GASK1B: variants seen among roughly 807,000 people sequenced by gnomAD.
The protein encoded by GASK1B is Golgi-associated kinase 1B.
Under a neutral mutation model 42.8 loss-of-function variants are expected in GASK1B, and 34 were observed. The observed-to-expected ratio is 0.79, with a 90% CI of 0.60 to 1.06. The LOEUF (loss-of-function observed/expected upper bound fraction) is 1.06, where lower values mean the gene tolerates loss of function less well. Among genes scored for constraint, GASK1B ranks in the 50% least tolerant of loss-of-function variants. The probability of loss-of-function intolerance (pLI) is 0.00; values close to 1 mark genes in which losing one functional copy is unlikely to be tolerated. For synonymous variants in GASK1B, 262 were observed against 259.1 expected, an observed-to-expected ratio of 1.01 and a Z score of -0.11; for missense variants, 686 against 661.0, an observed-to-expected ratio of 1.04 and a Z score of -0.42.
rs1280293039 is a variant in GASK1B at position 158,133,785 on chromosome 4, A to T, written c.1126-2773T>A. On this transcript the variant is annotated intron_variant, in intron 3 of 4. Coordinates refer to ENST00000585682, the MANE Select transcript of GASK1B (RefSeq NM_001128424.2). The stretch of plus-strand genomic sequence containing the variant: ...CCTGACAGACTGTTGTGCCATTCAG[A>T]TCTAAGAGACATTATTACTGAAAAC... Among the ~76,000 whole-genome samples the T allele has an allele frequency of 2.0e-5, 3 of 152,336 alleles. No individual in the cohort carries two copies. The East Asian group carries it at 5.8e-4, about 29-fold the overall frequency.
chr4:158,127,023 C>G lies in GASK1B; in HGVS notation c.*384G>C, dbSNP rs138407176. On this transcript the variant is annotated 3_prime_UTR_variant, in exon 5 of 5. Coordinates refer to ENST00000585682, the MANE Select transcript of GASK1B (RefSeq NM_001128424.2). ...TGTTCCCATTAGTATTTGGTCAGAACAGTCAAAACGGCACAAAATATGGTT... is the reference window on the plus strand; with the variant it reads ...TGTTCCCATTAGTATTTGGTCAGAAGAGTCAAAACGGCACAAAATATGGTT... 2.8e-5 allele frequency: 5 copies of G among 178,626 alleles called. No individual in the cohort carries two copies. The Admixed American group carries it at 2.9e-4, about 10-fold the overall frequency. 11.1% of individuals were successfully genotyped at this position (178,626 alleles called of 1,614,324 possible).
chr4:158,141,646 G>A lies in GASK1B; in HGVS notation c.1126-10634C>T, dbSNP rs1460400274. ...TTTTGAGACGGAATCTCGCTCTGTC[G>A]CACAGGCTGGAGTGCAGTGACGCGA... On this transcript the variant is annotated intron_variant, in intron 3 of 4. Coordinates refer to ENST00000585682, the MANE Select transcript of GASK1B (RefSeq NM_001128424.2). 3.6e-5 allele frequency among the ~76,000 whole-genome samples: 4 copies of A among 112,190 alleles called. No individual in the cohort carries two copies. The Admixed American group carries it at 4.0e-4, about 11-fold the overall frequency. 73.6% of individuals were successfully genotyped at this position (112,190 alleles called of 152,430 possible).
At chr4:158,132,811 T>C (rs1490054490) in intron 3 of GASK1B, among the ~76,000 whole-genome samples, 1 of 152,120 alleles carries the variant, frequency 6.6e-6, no homozygotes, top group African/African-American at 2.4e-5. Flanking sequence ...AAGCCACTGA[T>C]CCATGGGACC....
chr4:158,165,014 AT>A (rs1319075733), intron 2 of GASK1B, among the ~76,000 whole-genome samples: 1 of 152,178 alleles, frequency 6.6e-6, no homozygotes, highest in African/African-American at 2.4e-5. Context: ...ACTAAGCAGC[AT>A]TGACATACAG....
Position 158,141,235 on chromosome 4 carries a change from G to A in GASK1B, c.1126-10223C>T, listed in dbSNP as rs185073784. 1.8e-3 allele frequency among the ~76,000 whole-genome samples: 275 copies of A among 152,104 alleles called. 1 individual carries two copies. Among genetic ancestry groups the A allele is most frequent in the Non-Finnish European group, 2.8e-3 (191 of 67,974 alleles). ...GTGAGGAATCTATATGTTTCTTAACGGAAGAGATATGCTTTGAGACAAAGA... is the reference window on the plus strand; with the variant it reads ...GTGAGGAATCTATATGTTTCTTAACAGAAGAGATATGCTTTGAGACAAAGA... On this transcript the variant is annotated intron_variant, in intron 3 of 4. Coordinates refer to ENST00000585682, the MANE Select transcript of GASK1B (RefSeq NM_001128424.2).
chr4:158,170,463 T>C lies in GASK1B; in HGVS notation c.910+3A>G. The C allele has an allele frequency of 1.2e-6, 2 of 1,614,214 alleles. No individual in the cohort carries two copies. The highest frequency in any genetic ancestry group is 1.7e-6 in the Non-Finnish European group (2 of 1,180,032). The stretch of plus-strand genomic sequence containing the variant: ...CAAATAACGAAGCATGTGAATCTGT[T>C]ACCTTGGATGAACTCTGCTTTCCTG... On this transcript the variant is annotated splice_donor_region_variant and intron_variant, in intron 2 of 4. Coordinates refer to ENST00000585682, the MANE Select transcript of GASK1B (RefSeq NM_001128424.2).
chr4:158,145,943 A>G (rs1731314360), intron 3 of GASK1B, among the ~76,000 whole-genome samples: 1 of 152,222 alleles, frequency 6.6e-6, no homozygotes, highest in Admixed American at 6.5e-5. Flanking sequence ...AGTTATTCTT[A>G]GAAATGTAAG....
chr4:158,132,004 T>C (rs530691550), intron 3 of GASK1B, among the ~76,000 whole-genome samples: 1 of 152,246 alleles, frequency 6.6e-6, no homozygotes, highest in South Asian at 2.1e-4. Flanking sequence ...CTACATACCA[T>C]CCAAAGTTAT....
intron 3 of GASK1B, among the ~76,000 whole-genome samples, chr4:158,145,923 TTAAA>T (rs1446402435): frequency 6.6e-6 from 1 of 152,232 alleles, no homozygotes; most frequent in South Asian, 2.1e-4. Flanking sequence ...TAATTTATCA[TTAAA>T]TAAACAGTTA....
chr4:158,131,638 C>T (rs1007185690), intron 3 of GASK1B, among the ~76,000 whole-genome samples: 2 of 152,118 alleles, frequency 1.3e-5, no homozygotes, highest in Non-Finnish European at 2.9e-5. Context: ...AAGGATACCA[C>T]CCTATAGAAG....
At chr4:158,155,573 A>T in intron 3 of GASK1B, 38 bp downstream of exon 3, 1 of 1,541,598 alleles carries the variant, frequency 6.5e-7, no homozygotes, top group Non-Finnish European at 9.0e-7. Context: ...ACTCAGCGCC[A>T]GTCTTAGATA....
At chr4:158,172,091 T>C (rs1038169601) in intron 1 of GASK1B, among the ~76,000 whole-genome samples, 1 of 152,206 alleles carries the variant, frequency 6.6e-6, no homozygotes, top group Non-Finnish European at 1.5e-5. Flanking sequence ...TTAGCTTACA[T>C]TGTTAGTATA....
chr4:158,156,817 C>G (rs928750785), intron 2 of GASK1B, among the ~76,000 whole-genome samples: 5 of 152,142 alleles, frequency 3.3e-5, no homozygotes, highest in African/African-American at 4.8e-5. Context: ...CCACTTAACT[C>G]ATTCTTAACA....
At chr4:158,131,154 T>C (rs964636601) in intron 3 of GASK1B, 142 bp from the exon 4 acceptor site, 1 of 668,584 alleles carries the variant, frequency 1.5e-6, no homozygotes, top group African/African-American at 1.8e-5. Flanking sequence ...TAAAGGCAAC[T>C]GTCAGAACAA....
chr4:158,156,692 C>T (rs1731773409), intron 2 of GASK1B, among the ~76,000 whole-genome samples: 1 of 152,238 alleles, frequency 6.6e-6, no homozygotes, highest in East Asian at 1.9e-4. Context: ...TCCCAAGCCC[C>T]CATTTCTGCC....
At chr4:158,161,167 T>C (rs1731981944) in intron 2 of GASK1B, among the ~76,000 whole-genome samples, 1 of 152,076 alleles carries the variant, frequency 6.6e-6, no homozygotes, top group African/African-American at 2.4e-5. Flanking sequence ...TAGTTAAAAT[T>C]TAAATTTAAA....
intron 3 of GASK1B, among the ~76,000 whole-genome samples, chr4:158,152,952 C>T (rs537750986): frequency 1.3e-5 from 2 of 152,068 alleles, no homozygotes; most frequent in Non-Finnish European, 2.9e-5. Flanking sequence ...AGACAAAGAT[C>T]CCACTTTCCC....
At chr4:158,137,575 C>G (rs908741982) in intron 3 of GASK1B, among the ~76,000 whole-genome samples, 1 of 151,934 alleles carries the variant, frequency 6.6e-6, no homozygotes, top group African/African-American at 2.4e-5. Flanking sequence ...TAGAGTTGGC[C>G]CCATGTAGTC....
chr4:158,143,751 A>G (rs1731224769), intron 3 of GASK1B, among the ~76,000 whole-genome samples: 1 of 152,188 alleles, frequency 6.6e-6, no homozygotes, highest in African/African-American at 2.4e-5. Flanking sequence ...GTGATGAGGT[A>G]ACAAATTTAC....
Sources: allele counts gnomAD v4.1 joint callset (sites outside exome capture counted in the v4.1 genomes callset), GRCh38; gene constraint gnomAD v4.1.1; transcripts MANE v1.5; gene names NCBI Gene and HGNC (gene_info 2026-07-23, HGNC 2026-07-21).